The following FAF1 variants were observed in gnomAD, a reference collection of about 807,000 sequenced individuals.
FAF1 encodes FAS-associated factor 1.
FAF1 carries 25 observed loss-of-function variants against 92.5 expected under a neutral mutation model. The observed-to-expected ratio is 0.27, with a 90% CI of 0.20 to 0.38. The LOEUF is 0.38. Among genes scored for constraint, FAF1 ranks in the 10% least tolerant of loss-of-function variants. The probability of loss-of-function intolerance (pLI) is 1.00; values close to 1 mark genes in which losing one functional copy is unlikely to be tolerated. For missense variants in FAF1, 636 were observed against 793.3 expected, an observed-to-expected ratio of 0.80 and a Z score of 2.38; for synonymous variants, 234 against 273.2, an observed-to-expected ratio of 0.86 and a Z score of 1.42.
intron 1 of FAF1, among the ~76,000 whole-genome samples, chr1:50,875,007 CT>C (rs1644558902): frequency 6.6e-6 from 1 of 151,654 alleles, no homozygotes; most frequent in Non-Finnish European, 1.5e-5. Flanking sequence ...TATCTCATTT[CT>C]TTTCCTTCTT....
At chr1:50,933,222 C>G (rs1423528843) in intron 1 of FAF1, among the ~76,000 whole-genome samples, 1 of 152,212 alleles carries the variant, frequency 6.6e-6, no homozygotes, top group African/African-American at 2.4e-5. Flanking sequence ...GTCTTTTCTA[C>G]TGCGTCAGGC....
chr1:50,753,750 ATCTGT>A (rs1441441458), intron 4 of FAF1, among the ~76,000 whole-genome samples: 1 of 146,474 alleles, frequency 6.8e-6, no homozygotes, highest in Non-Finnish European at 1.5e-5. Context: ...TAATGTCATT[ATCTGT>A]TCTTTTTTTT....
intron 1 of FAF1, among the ~76,000 whole-genome samples, chr1:50,944,569 AG>A (rs890107466): frequency 1.6e-4 from 25 of 152,180 alleles, no homozygotes; most frequent in African/African-American, 6.0e-4. Context: ...CAGGCGCAAG[AG>A]GGTCAAGGGA....
intron 1 of FAF1, among the ~76,000 whole-genome samples, chr1:50,908,592 C>A (rs1644858661): frequency 6.6e-6 from 1 of 152,114 alleles, no homozygotes; most frequent in South Asian, 2.1e-4. Context: ...ATAGTTAGCT[C>A]TTCTTGTTGA....
chr1:50,676,834 C>CAT (rs1001689899), intron 7 of FAF1, among the ~76,000 whole-genome samples: 47 of 152,024 alleles, frequency 3.1e-4, no homozygotes, highest in Admixed American at 9.2e-4. Flanking sequence ...TATATATATG[C>CAT]ATATATATTT....
intron 15 of FAF1, among the ~76,000 whole-genome samples, chr1:50,516,321 C>T (rs1647221490): frequency 6.6e-6 from 1 of 152,146 alleles, no homozygotes; most frequent in Admixed American, 6.5e-5. Context: ...TTCCATTCCA[C>T]TTGTTCGTGG....
intron 1 of FAF1, among the ~76,000 whole-genome samples, chr1:50,859,229 T>A (rs944338223): frequency 2.0e-5 from 3 of 151,820 alleles, no homozygotes; most frequent in Non-Finnish European, 4.4e-5. Context: ...CTCTCACCAC[T>A]TATATTCAAC....
chr1:50,485,930 G>A (rs1342672588), intron 17 of FAF1, among the ~76,000 whole-genome samples: 3 of 152,080 alleles, frequency 2.0e-5, no homozygotes, highest in Non-Finnish European at 4.4e-5. Context: ...ACTCCATCAT[G>A]AGAACAGCAA....
rs761262856 is a variant in FAF1, at chr1:50,567,199, A to T, written c.1146T>A (p.Asp382Glu). 6.2e-7 allele frequency: 1 copy of T among 1,609,624 alleles called. No individual in the cohort carries two copies. Among genetic ancestry groups the T allele is most frequent in the South Asian group, 1.1e-5 (1 of 90,472 alleles). The change falls in exon 13 of 19, where the codon GAT becomes GAA. Residue 382 changes from aspartate to glutamate, a missense_variant. By Grantham distance (45) the Asp-to-Glu change is conservative. Around this residue, in one of 2 missense-constraint regions of FAF1, gnomAD observed 319 missense variants for 451.0 expected, o/e 0.71. Coordinates refer to ENST00000396153, the MANE Select transcript of FAF1 (RefSeq NM_007051.3). ...RKLLAIYLHH[D>E]ESVLTNVFCS... The stretch of plus-strand genomic sequence containing the variant: ...AGAACACGTTGGTTAACACACTTTC[A>T]TCATGGTGGAGGTAGATAGCAAGAA...
At chr1:50,548,139 AC>A (rs1452657480) in intron 13 of FAF1, among the ~76,000 whole-genome samples, 1 of 152,170 alleles carries the variant, frequency 6.6e-6, no homozygotes, top group Non-Finnish European at 1.5e-5. Flanking sequence ...CCTTTTACCA[AC>A]CAATAAATAT....
chr1:50,481,978 C>A (rs1012015902), intron 17 of FAF1, among the ~76,000 whole-genome samples: 2 of 151,988 alleles, frequency 1.3e-5, no homozygotes, highest in South Asian at 2.1e-4. Flanking sequence ...TTGGGAAGGA[C>A]AATTAATAAT....
At chr1:50,822,774 C>CTTTTTTT (rs772097310) in intron 2 of FAF1, among the ~76,000 whole-genome samples, 2 of 125,234 alleles carry the variant, frequency 1.6e-5, no homozygotes, top group Non-Finnish European at 3.4e-5. Flanking sequence ...TTCTTTCTTT[C>CTTTTTTT]TTTTTTTTTT....
At chr1:50,637,927 T>C (rs999725552) in intron 8 of FAF1, among the ~76,000 whole-genome samples, 2 of 151,876 alleles carry the variant, frequency 1.3e-5, no homozygotes, top group African/African-American at 4.8e-5. Flanking sequence ...TATATATATA[T>C]ACACCAACAC....
At chr1:50,948,514 T>C (rs1054643238) in intron 1 of FAF1, among the ~76,000 whole-genome samples, 1 of 151,572 alleles carries the variant, frequency 6.6e-6, no homozygotes, top group African/African-American at 2.4e-5. Flanking sequence ...CAGACTCTTA[T>C]TTCTTTTTCT....
At chr1:50,452,018 A>G (rs571602429) in intron 18 of FAF1, 6 of 1,267,692 alleles carry the variant, frequency 4.7e-6, no homozygotes, top group South Asian at 1.4e-5. Context: ...TTAAATGACA[A>G]TATAAGTGGG....
intron 8 of FAF1, among the ~76,000 whole-genome samples, chr1:50,652,517 C>A (rs973643369): frequency 6.6e-6 from 1 of 152,194 alleles, no homozygotes; most frequent in Non-Finnish European, 1.5e-5. Flanking sequence ...TTTTCCAACC[C>A]TGTGAAGCCC....
At chr1:50,845,380 GA>G (rs2124649741) in intron 2 of FAF1, among the ~76,000 whole-genome samples, 1 of 152,206 alleles carries the variant, frequency 6.6e-6, no homozygotes, top group African/African-American at 2.4e-5. Context: ...ACATGCAAAC[GA>G]GTGTTCAAAG....
At chr1:50,550,351 TAAAAAA>T (rs11297579) in intron 13 of FAF1, among the ~76,000 whole-genome samples, 1 of 108,362 alleles carries the variant, frequency 9.2e-6, no homozygotes, top group African/African-American at 3.6e-5. Flanking sequence ...ACTCCGTCTT[TAAAAAA>T]AAAAAAAAAA....
chr1:50,935,240 TATAATTA>T (rs1645076783), intron 1 of FAF1, among the ~76,000 whole-genome samples: 1 of 152,238 alleles, frequency 6.6e-6, no homozygotes, highest in African/African-American at 2.4e-5. Flanking sequence ...GCCAAAATTT[TATAATTA>T]ATAAAGATGT....
Sources: gnomAD v4.1 joint callset for allele counts (sites outside exome capture counted in the v4.1 genomes callset) on GRCh38, gnomAD v4.1.1 for gene constraint, gnomAD v4.1.1 regional missense constraint, MANE v1.5 for transcripts, NCBI Gene and HGNC (gene_info 2026-07-23, HGNC 2026-07-21) for gene names.